Variants in ZNF804B observed in about 807,000 individuals in gnomAD.
ZNF804B encodes zinc finger protein 804B.
A neutral mutation model predicts 101.4 loss-of-function variants in ZNF804B; 80 were observed. The ratio of observed to expected loss-of-function variants is 0.79; its 90% CI spans 0.66 to 0.95. The LOEUF is 0.95. ZNF804B is among the 40% of genes least tolerant of loss of function. ZNF804B has a pLI of 0.00. For synonymous variants in ZNF804B, 622 were observed against 558.8 expected (o/e 1.11, Z -1.59); for missense variants, 1,673 against 1,561.9 (o/e 1.07, Z -1.20).
intron 1 of ZNF804B, among the ~76,000 whole-genome samples, chr7:88,920,330 C>T (rs1792702004): frequency 6.6e-6 from 1 of 152,014 alleles, no homozygotes; most frequent in Admixed American, 6.6e-5. Flanking sequence ...AGCAACATTA[C>T]TACTAACATT....
At chr7:88,914,324 GT>G (rs1792599072) in intron 1 of ZNF804B, among the ~76,000 whole-genome samples, 1 of 152,160 alleles carries the variant, frequency 6.6e-6, no homozygotes, top group African/African-American at 2.4e-5. Context: ...TAGGGTCCAT[GT>G]TTGGCGTGCT....
chr7:89,092,521 T>A (rs1384192945), intron 1 of ZNF804B, among the ~76,000 whole-genome samples: 1 of 148,932 alleles, frequency 6.7e-6, no homozygotes, highest in Non-Finnish European at 1.5e-5. Flanking sequence ...CAAGTGATTC[T>A]CCTGCCTCAG....
chr7:88,804,616 CTT>C (rs113988175), intron 1 of ZNF804B, among the ~76,000 whole-genome samples: 26,283 of 151,820 alleles, frequency 0.17, 2,350 homozygotes, highest in African/African-American at 0.24. Flanking sequence ...TTTTTTATGA[CTT>C]AAAATCTTTG....
At chr7:89,033,724 A>G (rs2116235579) in intron 1 of ZNF804B, among the ~76,000 whole-genome samples, 1 of 152,238 alleles carries the variant, frequency 6.6e-6, no homozygotes, top group African/African-American at 2.4e-5. Context: ...GATGAATGAC[A>G]TAATTAAATA....
At chr7:89,011,434 T>G (rs1459099275) in intron 1 of ZNF804B, among the ~76,000 whole-genome samples, 3 of 152,140 alleles carry the variant, frequency 2.0e-5, no homozygotes, top group Non-Finnish European at 2.9e-5. Flanking sequence ...ATTCCAGCAT[T>G]AACCCAAAAG....
intron 2 of ZNF804B, among the ~76,000 whole-genome samples, chr7:89,241,317 C>T (rs1789366673): frequency 6.6e-6 from 1 of 152,072 alleles, no homozygotes; most frequent in South Asian, 2.1e-4. Flanking sequence ...CAATTATTCA[C>T]TCCAGGTAGC....
At chr7:88,875,916 A>G (rs544648983) in intron 1 of ZNF804B, among the ~76,000 whole-genome samples, 1 of 152,322 alleles carries the variant, frequency 6.6e-6, no homozygotes, top group South Asian at 2.1e-4. Context: ...CCTAAATAAA[A>G]TACTGGCAAA....
At chr7:89,282,070 G>A (rs978585536) in intron 2 of ZNF804B, among the ~76,000 whole-genome samples, 5 of 151,760 alleles carry the variant, frequency 3.3e-5, no homozygotes, top group African/African-American at 9.7e-5. Context: ...GCGTGGTGGC[G>A]GGCGCCTGTA....
At chr7:89,302,275 A>C (rs1221800486) in intron 2 of ZNF804B, among the ~76,000 whole-genome samples, 1 of 151,836 alleles carries the variant, frequency 6.6e-6, no homozygotes, top group East Asian at 1.9e-4. Context: ...CCTGTATTAG[A>C]GTTAAGCCTC....
intron 1 of ZNF804B, among the ~76,000 whole-genome samples, chr7:89,137,909 G>T (rs1455344524): frequency 6.6e-6 from 1 of 152,066 alleles, no homozygotes; most frequent in Non-Finnish European, 1.5e-5. Context: ...TCCCCAAGCT[G>T]TATGCATTCT....
chr7:89,079,392 A>G (rs1196867001), intron 1 of ZNF804B, among the ~76,000 whole-genome samples: 1 of 152,102 alleles, frequency 6.6e-6, no homozygotes, highest in Non-Finnish European at 1.5e-5. Flanking sequence ...GTCACAAATT[A>G]ATAAGTAAAA....
intron 2 of ZNF804B, among the ~76,000 whole-genome samples, chr7:89,251,689 C>T (rs1447076177): frequency 1.3e-5 from 2 of 152,056 alleles, no homozygotes; most frequent in African/African-American, 2.4e-5. Context: ...GTATTGGTTA[C>T]TGTACTTTCT....
chr7:89,240,404 T>G (rs905814755), intron 2 of ZNF804B, among the ~76,000 whole-genome samples: 5 of 113,624 alleles, frequency 4.4e-5, no homozygotes, highest in East Asian at 5.1e-4. Flanking sequence ...GAGGTGAAAG[T>G]TTTTTTTTCT....
chr7:89,142,104 G>A (rs970325964), intron 1 of ZNF804B, among the ~76,000 whole-genome samples: 14 of 151,606 alleles, frequency 9.2e-5, no homozygotes, highest in African/African-American at 3.4e-4. Flanking sequence ...AAACAAAGCA[G>A]TAGCCAGAGG....
intron 1 of ZNF804B, among the ~76,000 whole-genome samples, chr7:89,161,352 A>G (rs975593702): frequency 2.0e-5 from 3 of 151,908 alleles, no homozygotes; most frequent in Non-Finnish European, 2.9e-5. Context: ...AACATTACCT[A>G]TGTTACATGA....
At chr7:89,147,490 T>C (rs1366334182) in intron 1 of ZNF804B, among the ~76,000 whole-genome samples, 2 of 152,078 alleles carry the variant, frequency 1.3e-5, no homozygotes, top group African/African-American at 2.4e-5. Context: ...TTTAAATTAT[T>C]GAATGTAGAA....
chr7:88,871,146 C>A (rs1791817668), intron 1 of ZNF804B, among the ~76,000 whole-genome samples: 1 of 152,216 alleles, frequency 6.6e-6, no homozygotes, highest in East Asian at 1.9e-4. Flanking sequence ...GTTGAATTGT[C>A]TCCTGCAAAT....
At chr7:89,212,298 G>A (rs368799899) in intron 1 of ZNF804B, among the ~76,000 whole-genome samples, 50 of 143,928 alleles carry the variant, frequency 3.5e-4, no homozygotes, top group African/African-American at 1.4e-3. Flanking sequence ...CAAACAGACT[G>A]CAGAACATCC....
At chr7:88,822,205 A>G (rs1239972167) in intron 1 of ZNF804B, among the ~76,000 whole-genome samples, 1 of 152,154 alleles carries the variant, frequency 6.6e-6, no homozygotes, top group African/African-American at 2.4e-5. Flanking sequence ...TGCTAGTTGA[A>G]ACTTCTGAAA....
Sources: gnomAD v4.1 joint callset for allele counts (sites outside exome capture counted in the v4.1 genomes callset) on GRCh38, gnomAD v4.1.1 for gene constraint, MANE v1.5 for transcripts, NCBI Gene and HGNC (gene_info 2026-07-23, HGNC 2026-07-21) for gene names.